RBM27: variants seen among roughly 807,000 people sequenced by gnomAD.
RBM27 encodes the protein RNA-binding protein 27.
In RBM27, 22 loss-of-function variants were observed where a neutral mutation model predicts 135.3. That is an observed-to-expected ratio of 0.16 (90% CI 0.12 to 0.23). The LOEUF is 0.23. Ranked by LOEUF, RBM27 falls within the 10% of genes least tolerant of loss-of-function variation. The pLI is 1.00. For synonymous variants in RBM27, 481 were observed against 442.4 expected (o/e 1.09, Z -1.10); for missense variants, 1,009 against 1,281.0 (o/e 0.79, Z 3.24).
At chr5:146,274,408 G>A (rs185880269) in intron 19 of RBM27, among the ~76,000 whole-genome samples, 11 of 151,876 alleles carry the variant, frequency 7.2e-5, no homozygotes, top group Non-Finnish European at 1.3e-4. Context: ...AGGCACGCAC[G>A]ACCACACCCA....
intron 2 of RBM27, among the ~76,000 whole-genome samples, chr5:146,222,865 T>A (rs1224279962): frequency 6.6e-6 from 1 of 152,172 alleles, no homozygotes; most frequent in African/African-American, 2.4e-5. Flanking sequence ...TTAAAAAAAA[T>A]TTTCGGTTAA....
intron 1 of RBM27, among the ~76,000 whole-genome samples, chr5:146,214,025 A>G (rs1330177533): frequency 2.0e-5 from 3 of 152,212 alleles, no homozygotes; most frequent in African/African-American, 7.2e-5. Context: ...CTTAAGATAC[A>G]TTAATTTTTC....
rs751390355 is a variant in RBM27 at position 146,269,597 on chromosome 5, A to G, written c.2691+13A>G. ...GACAAAAACGGAGGTATCTATTTGC[A>G]TTTTTTATTTAACATAGGGTTATTG... On this transcript the variant is annotated intron_variant, in intron 17 of 20. Transcript: ENST00000265271. 3.0e-5 allele frequency: 45 copies of G among 1,507,678 alleles called. No homozygotes were observed. The highest frequency in any genetic ancestry group is 3.9e-5 in the Non-Finnish European group (44 of 1,133,258). The allele number at this position is 1,507,678 out of a possible 1,614,324, so 93.4% of individuals were successfully genotyped here. A position where few individuals can be genotyped will look rare whatever the true frequency, so the allele number is the denominator to read the frequency against.
intron 13 of RBM27, 28 bp downstream of exon 13, chr5:146,261,834 T>G (rs907438427): frequency 6.2e-7 from 1 of 1,611,900 alleles, no homozygotes; most frequent in African/African-American, 1.3e-5. Flanking sequence ...GAATTAAAGG[T>G]CTTTTAGTTA....
At chr5:146,219,730 G>A (rs1581147724) in intron 2 of RBM27, among the ~76,000 whole-genome samples, 1 of 151,992 alleles carries the variant, frequency 6.6e-6, no homozygotes, top group Admixed American at 6.6e-5. Flanking sequence ...CTGAAACATG[G>A]ATTCTTCTCT....
intron 1 of RBM27, among the ~76,000 whole-genome samples, chr5:146,216,489 T>C (rs1436452110): frequency 6.6e-6 from 1 of 152,138 alleles, no homozygotes; most frequent in Non-Finnish European, 1.5e-5. Flanking sequence ...TCATCTCATA[T>C]AGCTGTCTTT....
chr5:146,273,880 G>T (rs867491870), intron 19 of RBM27, among the ~76,000 whole-genome samples: 1 of 152,334 alleles, frequency 6.6e-6, no homozygotes, highest in Middle Eastern at 3.4e-3. Flanking sequence ...ATCATAAGTG[G>T]ATTATGGTCG....
intron 8 of RBM27, among the ~76,000 whole-genome samples, chr5:146,239,372 T>C (rs546643121): frequency 6.6e-6 from 1 of 152,118 alleles, no homozygotes; most frequent in African/African-American, 2.4e-5. Flanking sequence ...AATCCAACCA[T>C]GAAAGTTCCT....
intron 6 of RBM27, 44 bp from the exon 7 acceptor site, chr5:146,233,406 A>C: frequency 6.7e-7 from 1 of 1,494,598 alleles, no homozygotes; most frequent in Non-Finnish European, 8.9e-7. Context: ...TCTGAACTCT[A>C]AGTAGATGAT....
chr5:146,285,452 G>C (rs1239885162), intron 20 of RBM27, among the ~76,000 whole-genome samples: 2 of 151,976 alleles, frequency 1.3e-5, no homozygotes, highest in Non-Finnish European at 2.9e-5. Context: ...ATGGTATTTG[G>C]GTAGTGTTTG....
At chr5:146,267,500 A>T in intron 14 of RBM27, 149 bp from the exon 15 acceptor site, 1 of 556,228 alleles carries the variant, frequency 1.8e-6, no homozygotes, top group Non-Finnish European at 3.1e-6. Context: ...ATAAAGAACT[A>T]GATTTTATAA....
intron 11 of RBM27, among the ~76,000 whole-genome samples, chr5:146,259,435 C>T (rs985864862): frequency 1.5e-5 from 2 of 129,746 alleles, no homozygotes; most frequent in South Asian, 2.6e-4. Context: ...ACCTGGGAGG[C>T]GGAGGTTGCA....
chr5:146,247,104 T>A (rs1241014172), intron 8 of RBM27, among the ~76,000 whole-genome samples: 3 of 152,046 alleles, frequency 2.0e-5, no homozygotes, highest in Non-Finnish European at 1.5e-5. Context: ...GCTCAAGCAG[T>A]CCTCCAGCCT....
intron 8 of RBM27, among the ~76,000 whole-genome samples, chr5:146,244,892 G>C (rs2126799342): frequency 6.6e-6 from 1 of 151,462 alleles, no homozygotes; most frequent in African/African-American, 2.4e-5. Context: ...CTTTTTTTTA[G>C]AAATAGGGTC....
intron 8 of RBM27, among the ~76,000 whole-genome samples, chr5:146,240,322 GTCTGTCTGTCTA>G (rs1258669050): frequency 4.6e-5 from 7 of 151,914 alleles, no homozygotes; most frequent in South Asian, 2.1e-4. Flanking sequence ...CTGTCTGTCT[GTCTGTCTGTCTA>G]TCTGTCTGTC....
intron 6 of RBM27, among the ~76,000 whole-genome samples, chr5:146,231,370 G>T (rs1030650029): frequency 3.9e-5 from 6 of 152,164 alleles, no homozygotes; most frequent in Non-Finnish European, 5.9e-5. Flanking sequence ...CTCCCAGTGT[G>T]CTGGGATTAT....
At chr5:146,248,971 T>C (rs1757758288) in intron 8 of RBM27, among the ~76,000 whole-genome samples, 2 of 152,164 alleles carry the variant, frequency 1.3e-5, no homozygotes, top group South Asian at 4.1e-4. Context: ...TGTATGTATT[T>C]CTATTTTTTA....
intron 1 of RBM27, among the ~76,000 whole-genome samples, chr5:146,209,534 C>CAT (rs1200770239): frequency 6.6e-6 from 1 of 152,144 alleles, no homozygotes; most frequent in African/African-American, 2.4e-5. Context: ...GATCATGATG[C>CAT]ATATACTTTG....
At chr5:146,228,208 C>T (rs1025117686) in intron 3 of RBM27, among the ~76,000 whole-genome samples, 3 of 151,038 alleles carry the variant, frequency 2.0e-5, no homozygotes, top group South Asian at 2.1e-4. Context: ...TGTATTTACT[C>T]GTGCCCTCTC....
Sources: gnomAD v4.1 joint callset for allele counts (sites outside exome capture counted in the v4.1 genomes callset) on GRCh38, gnomAD v4.1.1 for gene constraint, MANE v1.5 for transcripts, NCBI Gene and HGNC (gene_info 2026-07-23, HGNC 2026-07-21) for gene names.